UBE2E2: variants seen among roughly 807,000 people sequenced by gnomAD.
UBE2E2 encodes the protein ubiquitin conjugating enzyme E2 E2, also known as ubiquitin-conjugating enzyme E2 E2.
In UBE2E2, 6 loss-of-function variants were observed where a neutral mutation model predicts 24.7. The observed-to-expected ratio is 0.24, with a 90% CI of 0.13 to 0.48. UBE2E2 has a LOEUF of 0.48. UBE2E2 is among the 20% of genes least tolerant of loss of function. The pLI, the probability that UBE2E2 is intolerant of heterozygous loss-of-function variation, is 0.99. For missense variants in UBE2E2, 169 were observed against 245.0 expected, an observed-to-expected ratio of 0.69 and a Z score of 2.07; for synonymous variants, 104 against 83.6, an observed-to-expected ratio of 1.24 and a Z score of -1.33.
At chr3:23,385,245 C>T (rs147433304) in intron 3 of UBE2E2, among the ~76,000 whole-genome samples, 179 of 152,294 alleles carry the variant, frequency 1.2e-3, no homozygotes, top group African/African-American at 4.1e-3. Flanking sequence ...GTTTTAGGAT[C>T]ATGTTCTTTT....
At chr3:23,531,385 C>T (rs1002654507) in intron 4 of UBE2E2, among the ~76,000 whole-genome samples, 8 of 152,124 alleles carry the variant, frequency 5.3e-5, no homozygotes, top group Non-Finnish European at 1.2e-4. Context: ...CAATAATATT[C>T]ACATCTTATT....
intron 3 of UBE2E2, among the ~76,000 whole-genome samples, chr3:23,401,790 C>T (rs556425007): frequency 6.6e-5 from 10 of 151,588 alleles, no homozygotes; most frequent in African/African-American, 2.2e-4. Context: ...AAGCAGTTCT[C>T]CTATCTCAGC....
intron 3 of UBE2E2, among the ~76,000 whole-genome samples, chr3:23,314,393 G>A (rs1285742158): frequency 2.0e-5 from 3 of 152,032 alleles, no homozygotes; most frequent in Admixed American, 2.0e-4. Context: ...ACCTCCTAAA[G>A]TGTTGGGATT....
chr3:23,558,839 C>G (rs987473972), intron 5 of UBE2E2, among the ~76,000 whole-genome samples: 1 of 152,136 alleles, frequency 6.6e-6, no homozygotes, highest in African/African-American at 2.4e-5. Flanking sequence ...GCAAGAGGGT[C>G]CCTTGAGCCC....
chr3:23,461,373 T>G (rs1698801642), intron 3 of UBE2E2, among the ~76,000 whole-genome samples: 1 of 152,158 alleles, frequency 6.6e-6, no homozygotes, highest in Non-Finnish European at 1.5e-5. Flanking sequence ...TTTATTAAAT[T>G]AAAACTGACC....
chr3:23,315,350 A>G (rs1339596937), intron 3 of UBE2E2, among the ~76,000 whole-genome samples: 1 of 149,770 alleles, frequency 6.7e-6, no homozygotes, highest in Non-Finnish European at 1.5e-5. Context: ...AAATTTTCAA[A>G]TAGCCTGTCT....
chr3:23,394,429 C>G (rs562286106), intron 3 of UBE2E2, among the ~76,000 whole-genome samples: 20 of 152,266 alleles, frequency 1.3e-4, no homozygotes, highest in African/African-American at 3.9e-4. Flanking sequence ...GGGTAACGTT[C>G]AGCCTTATCA....
At chr3:23,544,981 T>C (rs1279364444) in intron 5 of UBE2E2, among the ~76,000 whole-genome samples, 1 of 152,192 alleles carries the variant, frequency 6.6e-6, no homozygotes, top group African/African-American at 2.4e-5. Flanking sequence ...CTTTTAGATA[T>C]GCATACACAT....
intron 3 of UBE2E2, among the ~76,000 whole-genome samples, chr3:23,302,277 T>G (rs767525104): frequency 6.6e-6 from 1 of 152,244 alleles, no homozygotes; most frequent in African/African-American, 2.4e-5. Flanking sequence ...TTTCAGATTT[T>G]CAGAGACTAT....
chr3:23,486,793 G>A (rs1452644209), intron 3 of UBE2E2, among the ~76,000 whole-genome samples: 1 of 152,200 alleles, frequency 6.6e-6, no homozygotes, highest in African/African-American at 2.4e-5. Flanking sequence ...GGAGGAAGTA[G>A]GTGCTGACTG....
At chr3:23,460,403 A>G (rs1169078327) in intron 3 of UBE2E2, among the ~76,000 whole-genome samples, 1 of 152,068 alleles carries the variant, frequency 6.6e-6, no homozygotes, top group African/African-American at 2.4e-5. Context: ...TGGCTCTACA[A>G]CCTCTGTTCT....
chr3:23,444,203 C>T (rs1407773257), intron 3 of UBE2E2, among the ~76,000 whole-genome samples: 6 of 151,726 alleles, frequency 4.0e-5, no homozygotes, highest in African/African-American at 9.7e-5. Flanking sequence ...TTATTGTAAC[C>T]GCTGGCTATG....
chr3:23,590,631 A>G lies in UBE2E2; in HGVS notation c.*800A>G, dbSNP rs930509157. Reference sequence around the variant, plus strand: ...GTGTCCTGGTGACCGCTGTAGCCCTACGTGCAGTGAGGCTTGTCTAATTCA... The same window carrying G: ...GTGTCCTGGTGACCGCTGTAGCCCTGCGTGCAGTGAGGCTTGTCTAATTCA... On this transcript the variant is annotated 3_prime_UTR_variant, in exon 6 of 6. Coordinates refer to ENST00000396703, the MANE Select transcript of UBE2E2 (RefSeq NM_152653.4). 1.3e-5 allele frequency: 2 copies of G among 152,612 alleles called. No homozygotes were observed. Among genetic ancestry groups the G allele is most frequent in the African/African-American group, 2.4e-5 (1 of 41,442 alleles). 9.5% of individuals were successfully genotyped at this position (152,612 alleles called of 1,614,324 possible).
intron 3 of UBE2E2, among the ~76,000 whole-genome samples, chr3:23,284,852 C>T (rs1180855262): frequency 6.6e-6 from 1 of 151,142 alleles, no homozygotes; most frequent in Non-Finnish European, 1.5e-5. Flanking sequence ...TCCCTGAGGT[C>T]TGTTCTAAAT....
At chr3:23,223,777 G>A (rs1696733229) in intron 3 of UBE2E2, among the ~76,000 whole-genome samples, 1 of 152,002 alleles carries the variant, frequency 6.6e-6, no homozygotes, top group Admixed American at 6.6e-5. Context: ...AGTGTTTCAG[G>A]TCTTAGATTC....
chr3:23,456,391 CA>C, intron 3 of UBE2E2, among the ~76,000 whole-genome samples: 1 of 152,340 alleles, frequency 6.6e-6, no homozygotes, highest in South Asian at 2.1e-4. Context: ...ACAAGATTTT[CA>C]GTTGACTTTG....
intron 5 of UBE2E2, among the ~76,000 whole-genome samples, chr3:23,586,421 A>G (rs1416764552): frequency 1.3e-5 from 2 of 152,010 alleles, no homozygotes; most frequent in East Asian, 3.9e-4. Context: ...CAGCCTCTCA[A>G]GTAGGCTGGA....
chr3:23,460,534 C>G (rs1299465828), intron 3 of UBE2E2, among the ~76,000 whole-genome samples: 1 of 152,076 alleles, frequency 6.6e-6, no homozygotes, highest in African/African-American at 2.4e-5. Context: ...CAGGTAGACT[C>G]TATATTGATA....
chr3:23,328,170 T>C (rs940163200), intron 3 of UBE2E2, among the ~76,000 whole-genome samples: 1 of 152,134 alleles, frequency 6.6e-6, no homozygotes, highest in Non-Finnish European at 1.5e-5. Flanking sequence ...AAAAGAAATA[T>C]GAGGCATGCA....
Sources: gnomAD v4.1 joint callset for allele counts (sites outside exome capture counted in the v4.1 genomes callset) on GRCh38, gnomAD v4.1.1 for gene constraint, MANE v1.5 for transcripts, NCBI Gene and HGNC (gene_info 2026-07-23, HGNC 2026-07-21) for gene names.